PALS1: variants seen among roughly 807,000 people sequenced by gnomAD.
The protein encoded by PALS1 is protein associated with LIN7 1, MAGUK p55 family member.
In PALS1, 31 loss-of-function variants were observed where a neutral mutation model predicts 78.9. The observed-to-expected ratio is 0.39, with a 90% CI of 0.30 to 0.53. The LOEUF (loss-of-function observed/expected upper bound fraction) is 0.53, where lower values mean the gene tolerates loss of function less well. Ranked by LOEUF, PALS1 falls within the 20% of genes least tolerant of loss-of-function variation. PALS1 has a pLI of 0.67. For synonymous variants in PALS1, 276 were observed against 270.9 expected, an observed-to-expected ratio of 1.02 and a Z score of -0.18; for missense variants, 704 against 826.5, an observed-to-expected ratio of 0.85 and a Z score of 1.82.
intron 2 of PALS1, among the ~76,000 whole-genome samples, chr14:67,273,117 CT>C (rs57837325): frequency 0.13 from 18,417 of 142,664 alleles, 1,885 homozygotes; most frequent in African/African-American, 0.29. Context: ...ATATTTCTTT[CT>C]TTTTTTTTTT....
chr14:67,255,850 G>A (rs2084137199), intron 1 of PALS1, among the ~76,000 whole-genome samples: 1 of 152,060 alleles, frequency 6.6e-6, no homozygotes, highest in African/African-American at 2.4e-5. Context: ...ACTATGCCTG[G>A]CTAATTTTGT....
At chr14:67,300,388 C>T (rs558729154) in intron 4 of PALS1, among the ~76,000 whole-genome samples, 30 of 146,924 alleles carry the variant, frequency 2.0e-4, no homozygotes, top group African/African-American at 6.0e-4. Flanking sequence ...AATGCAGTGG[C>T]GCCATCTCAG....
intron 3 of PALS1, among the ~76,000 whole-genome samples, chr14:67,283,965 G>C (rs1210756970): frequency 6.6e-6 from 1 of 152,154 alleles, no homozygotes; most frequent in Non-Finnish European, 1.5e-5. Context: ...AGGGATAATA[G>C]AGTCAAAACT....
intron 2 of PALS1, among the ~76,000 whole-genome samples, chr14:67,273,316 C>A (rs2084443678): frequency 6.6e-6 from 1 of 151,844 alleles, no homozygotes. Context: ...TGTTCCCCAC[C>A]CTGTGTCCAA....
At chr14:67,315,857 G>A (rs997588578) in intron 9 of PALS1, among the ~76,000 whole-genome samples, 3 of 152,198 alleles carry the variant, frequency 2.0e-5, no homozygotes, top group Non-Finnish European at 2.9e-5. Context: ...CCTGGAAGGC[G>A]GAGGTTGCGG....
At chr14:67,294,624 T>C (rs2084818056) in intron 4 of PALS1, 1 of 152,086 alleles carries the variant, frequency 6.6e-6, no homozygotes, top group Admixed American at 6.6e-5. Flanking sequence ...AAATCTTTGA[T>C]GATCTAGCAT....
chr14:67,275,853 G>A (rs1166637103), intron 2 of PALS1, among the ~76,000 whole-genome samples: 2 of 152,106 alleles, frequency 1.3e-5, no homozygotes, highest in East Asian at 3.8e-4. Flanking sequence ...TCTTGGGAGG[G>A]TATATGTGTC....
At chr14:67,254,786 C>A (rs1451210234) in intron 1 of PALS1, among the ~76,000 whole-genome samples, 1 of 152,188 alleles carries the variant, frequency 6.6e-6, no homozygotes, top group African/African-American at 2.4e-5. Context: ...TAGAGGTAAT[C>A]ATCTACTAAT....
intron 1 of PALS1, among the ~76,000 whole-genome samples, chr14:67,262,761 C>G (rs1426115360): frequency 6.6e-6 from 1 of 152,158 alleles, no homozygotes; most frequent in African/African-American, 2.4e-5. Flanking sequence ...AGAGTCAACT[C>G]TGTCTTTATC....
At chr14:67,311,171 C>T (rs1053427773) in intron 8 of PALS1, among the ~76,000 whole-genome samples, 3 of 151,990 alleles carry the variant, frequency 2.0e-5, no homozygotes, top group African/African-American at 2.4e-5. Flanking sequence ...ATTAGCTGGG[C>T]GTTGTGGTGA....
rs149541904 is a variant in PALS1, at chr14:67,255,177, T to C, written c.-237+13644T>C. 5.3e-3 allele frequency among the ~76,000 whole-genome samples: 799 copies of C among 152,154 alleles called. 2 individuals are homozygous for C. Among genetic ancestry groups the C allele is most frequent in the Non-Finnish European group, 8.1e-3 (548 of 67,996 alleles). ...AAAAAAAAAAAGTTCGAATCTCTTATAATGCTTTTTTAGAAGCCTGACACT... is the reference window on the plus strand; with the variant it reads ...AAAAAAAAAAAGTTCGAATCTCTTACAATGCTTTTTTAGAAGCCTGACACT... On this transcript the variant is annotated intron_variant, in intron 1 of 14. Transcript: ENST00000261681.
chr14:67,327,761 T>C (rs1230034599), intron 14 of PALS1, among the ~76,000 whole-genome samples: 3 of 152,188 alleles, frequency 2.0e-5, no homozygotes, highest in Admixed American at 1.3e-4. Flanking sequence ...GTCCTTGTGA[T>C]AGTTTTCTCA....
chr14:67,325,006 G>A (rs769007667), intron 14 of PALS1, among the ~76,000 whole-genome samples: 3 of 140,738 alleles, frequency 2.1e-5, no homozygotes, highest in Non-Finnish European at 4.5e-5. Flanking sequence ...CCAGGTTCAC[G>A]CCATTCTCCT....
chr14:67,243,851 A>G (rs2083943584), intron 1 of PALS1, among the ~76,000 whole-genome samples: 1 of 152,158 alleles, frequency 6.6e-6, no homozygotes, highest in Non-Finnish European at 1.5e-5. Context: ...GTTGGAAGTA[A>G]TCTTAGTGGT....
intron 1 of PALS1, chr14:67,241,939 T>C (rs918432717): frequency 5.3e-5 from 8 of 152,320 alleles, no homozygotes; most frequent in Non-Finnish European, 1.2e-4. Flanking sequence ...CGCTTTCCTT[T>C]AGAAGTCAGA....
rs750977591 is a variant in PALS1, at chr14:67,320,346, C to A, written c.1486C>A (p.Arg496Ser). 1.2e-6 allele frequency: 2 copies of A among 1,612,468 alleles called. No homozygotes were observed. Among genetic ancestry groups the A allele is most frequent in the Non-Finnish European group, 8.5e-7 (1 of 1,179,456 alleles). Residue 496 changes from arginine (R) to serine (S), a missense_variant, in exon 12 of 15, where the codon CGT (arginine) becomes AGT (serine). Coordinates refer to ENST00000261681, the MANE Select transcript of PALS1 (RefSeq NM_022474.4). The part of the protein sequence containing the change: ...GPQNCGQNEL[R>S]QRLMNKEKDR... The stretch of plus-strand genomic sequence containing the variant: ...ACAGAACTGTGGCCAGAATGAATTG[C>A]GTCAGAGGCTCATGAACAAAGAAAA...
chr14:67,332,069 G>A (rs1178457005), intron 14 of PALS1, among the ~76,000 whole-genome samples: 1 of 152,214 alleles, frequency 6.6e-6, no homozygotes, highest in East Asian at 1.9e-4. Flanking sequence ...TAGTATTGAT[G>A]TGTGACTTTT....
At position 67,279,117 on chromosome 14, in the gene PALS1, G is replaced by T; in HGVS notation, c.-54G>T. The T allele has an allele frequency of 5.6e-6, 8 of 1,428,386 alleles. No homozygotes were observed. The highest frequency in any genetic ancestry group is 2.5e-5 in the Admixed American group (1 of 39,468). The allele number at this position is 1,428,386 out of a possible 1,614,324, so 88.5% of individuals were successfully genotyped here. A position where few individuals can be genotyped will look rare whatever the true frequency, so the allele number is the denominator to read the frequency against. On this transcript the variant is annotated 5_prime_UTR_variant, in exon 3 of 15. Coordinates refer to ENST00000261681, the MANE Select transcript of PALS1 (RefSeq NM_022474.4). ...TTTATACTACAGAATCAAGAGAATT[G>T]GCTTATAGGAAAAATTGATTTATAA...
chr14:67,302,918 T>G (rs2084950792), intron 7 of PALS1, among the ~76,000 whole-genome samples: 1 of 152,226 alleles, frequency 6.6e-6, no homozygotes, highest in South Asian at 2.1e-4. Flanking sequence ...TTTTTTGTGT[T>G]CTTTTATTTT....
Sources: allele counts gnomAD v4.1 joint callset (sites outside exome capture counted in the v4.1 genomes callset), GRCh38; gene constraint gnomAD v4.1.1; transcripts MANE v1.5; gene names NCBI Gene and HGNC (gene_info 2026-07-23, HGNC 2026-07-21).